FGF14: variants seen among roughly 807,000 people sequenced by gnomAD.
FGF14 encodes the protein fibroblast growth factor homologous factor 4.
Under a neutral mutation model 25.5 loss-of-function variants are expected in FGF14, and 5 were observed. The observed-to-expected ratio is 0.20, with a 90% CI of 0.10 to 0.41. FGF14 has a LOEUF of 0.41. Ranked by LOEUF, FGF14 falls within the 10% of genes least tolerant of loss-of-function variation. The pLI, the probability that FGF14 is intolerant of heterozygous loss-of-function variation, is 1.00. For missense variants in FGF14, 222 were observed against 320.1 expected, an observed-to-expected ratio of 0.69 and a Z score of 2.34; for synonymous variants, 138 against 118.3, an observed-to-expected ratio of 1.17 and a Z score of -1.08.
chr13:102,083,292 A>G (rs56794627), intron 1 of FGF14, among the ~76,000 whole-genome samples: 10,824 of 152,126 alleles, frequency 0.071, 630 homozygotes, highest in East Asian at 0.26. Context: ...CCTTCAGCCT[A>G]TTGTCAACTC....
chr13:101,792,069 A>C (rs1342592790), intron 3 of FGF14, among the ~76,000 whole-genome samples: 1 of 152,168 alleles, frequency 6.6e-6, no homozygotes, highest in African/African-American at 2.4e-5. Flanking sequence ...ATTACAATAA[A>C]AAGATCTATA....
chr13:101,862,874 A>G (rs1462687999), intron 3 of FGF14, among the ~76,000 whole-genome samples: 2 of 152,180 alleles, frequency 1.3e-5, no homozygotes, highest in East Asian at 3.9e-4. Context: ...AAAAAGAAAT[A>G]TTGTTAAAGC....
At chr13:102,398,349 G>A (rs975272814) in intron 1 of FGF14, among the ~76,000 whole-genome samples, 2 of 151,922 alleles carry the variant, frequency 1.3e-5, no homozygotes, top group South Asian at 2.1e-4. Flanking sequence ...ATTATATAGC[G>A]GTGCTCTGAA....
At chr13:101,724,595 AAAATATATATAT>A (rs1169556958) in intron 4 of FGF14, among the ~76,000 whole-genome samples, 104 of 35,168 alleles carry the variant, frequency 3.0e-3, no homozygotes, top group African/African-American at 7.6e-3. Context: ...GTATAATAAT[AAAATATATATAT>A]ATATATATAT....
intron 1 of FGF14, among the ~76,000 whole-genome samples, chr13:102,159,619 C>T (rs914224626): frequency 2.0e-5 from 3 of 152,158 alleles, no homozygotes; most frequent in African/African-American, 7.2e-5. Context: ...CAAACTGTAG[C>T]ATAATTGTGT....
intron 3 of FGF14, among the ~76,000 whole-genome samples, chr13:101,840,725 A>G (rs1357588903): frequency 6.6e-6 from 1 of 152,022 alleles, no homozygotes; most frequent in Non-Finnish European, 1.5e-5. Flanking sequence ...CAGCATGCAC[A>G]CATAACAGAG....
intron 1 of FGF14, among the ~76,000 whole-genome samples, chr13:101,916,176 C>G (rs920309186): frequency 9.2e-5 from 14 of 152,354 alleles, no homozygotes; most frequent in African/African-American, 2.4e-4. Flanking sequence ...TCAGGGGGAA[C>G]AGGTTTCCCA....
At chr13:102,064,762 T>C (rs114514019) in intron 1 of FGF14, among the ~76,000 whole-genome samples, 1 of 152,066 alleles carries the variant, frequency 6.6e-6, no homozygotes, top group African/African-American at 2.4e-5. Flanking sequence ...ATAACAATAA[T>C]TTACAAAGTG....
At chr13:101,907,801 C>G (rs972420996) in intron 1 of FGF14, among the ~76,000 whole-genome samples, 2 of 151,992 alleles carry the variant, frequency 1.3e-5, no homozygotes, top group African/African-American at 4.8e-5. Context: ...TGGGATAACA[C>G]AGTAGGATGA....
Position 101,714,671 on chromosome 13 carries a change from C to G in FGF14, c.*8160G>C. ...AGGGCCAACCGTGAATATGAAATATCTACCAAAGGCGAAGTGGGCATTTGG... is the reference window on the plus strand; with the variant it reads ...AGGGCCAACCGTGAATATGAAATATGTACCAAAGGCGAAGTGGGCATTTGG... On this transcript the variant is annotated 3_prime_UTR_variant, in exon 5 of 5. Coordinates refer to ENST00000376143, the MANE Select transcript of FGF14 (RefSeq NM_004115.4). 4.5e-6 allele frequency: 3 copies of G among 664,162 alleles called. No homozygotes were observed. In the Admixed American group the frequency reaches 7.1e-5, roughly 16 times the overall value. 41.1% of individuals were successfully genotyped at this position (664,162 alleles called of 1,614,324 possible).
At chr13:102,057,203 A>G (rs1018907610) in intron 1 of FGF14, among the ~76,000 whole-genome samples, 2 of 152,280 alleles carry the variant, frequency 1.3e-5, no homozygotes, top group South Asian at 2.1e-4. Context: ...TAACTGACCC[A>G]TTAACAGAAT....
chr13:102,259,834 T>A (rs1370916431), intron 1 of FGF14, among the ~76,000 whole-genome samples: 1 of 152,220 alleles, frequency 6.6e-6, no homozygotes, highest in Non-Finnish European at 1.5e-5. Flanking sequence ...TGTCTCTGAT[T>A]CCAGTACTGT....
intron 3 of FGF14, among the ~76,000 whole-genome samples, chr13:101,775,538 G>T (rs1265979955): frequency 6.8e-6 from 1 of 147,252 alleles, no homozygotes; most frequent in Non-Finnish European, 1.5e-5. Context: ...GTGTGTGTGT[G>T]TTAGAGTTGC....
rs1412338494 is a variant in FGF14 at position 102,308,955 on chromosome 13, G to C, written c.208+92516C>G. Among the ~76,000 whole-genome samples the C allele has an allele frequency of 2.1e-5, 3 of 145,500 alleles. No homozygotes were observed. The East Asian group carries it at 6.1e-4, about 29-fold the overall frequency. ...AAAAACACAAAAAAAACAGACCCTAGAAAAAGAGCACTCCAAAGTATCTGC... is the reference window on the plus strand; with the variant it reads ...AAAAACACAAAAAAAACAGACCCTACAAAAAGAGCACTCCAAAGTATCTGC... On this transcript the variant is annotated intron_variant, in intron 1 of 4. Transcript: ENST00000376131.
intron 3 of FGF14, among the ~76,000 whole-genome samples, chr13:101,737,716 T>A (rs1203306212): frequency 6.6e-6 from 1 of 152,174 alleles, no homozygotes; most frequent in Non-Finnish European, 1.5e-5. Flanking sequence ...AATTGTATTT[T>A]AATAATATTC....
chr13:101,937,015 C>G (rs2035146537), intron 1 of FGF14, among the ~76,000 whole-genome samples: 1 of 152,124 alleles, frequency 6.6e-6, no homozygotes, highest in Non-Finnish European at 1.5e-5. Context: ...TTATACAACT[C>G]ATAATCTCTG....
intron 1 of FGF14, among the ~76,000 whole-genome samples, chr13:102,117,134 T>C (rs142184475): frequency 6.6e-6 from 1 of 152,322 alleles, no homozygotes; most frequent in East Asian, 1.9e-4. Flanking sequence ...CTTTTCTCCT[T>C]ACCTAGCTTG....
chr13:101,771,875 G>A (rs1228736155), intron 3 of FGF14, among the ~76,000 whole-genome samples: 1 of 151,782 alleles, frequency 6.6e-6, no homozygotes, highest in African/African-American at 2.4e-5. Flanking sequence ...TGAGAGTTTA[G>A]ACAAACTCTC....
intron 1 of FGF14, among the ~76,000 whole-genome samples, chr13:101,970,180 C>A (rs2037506608): frequency 6.6e-6 from 1 of 152,164 alleles, no homozygotes; most frequent in South Asian, 2.1e-4. Context: ...CGGTTCTTTA[C>A]AGAGACAATA....
Sources: allele counts gnomAD v4.1 joint callset (sites outside exome capture counted in the v4.1 genomes callset), GRCh38; gene constraint gnomAD v4.1.1; transcripts MANE v1.5; gene names NCBI Gene and HGNC (gene_info 2026-07-23, HGNC 2026-07-21).